The following MEGF6 variants were observed in gnomAD, a reference collection of about 807,000 sequenced individuals.
MEGF6 encodes multiple epidermal growth factor-like domains protein 6.
MEGF6 carries 184 observed loss-of-function variants against 207.1 expected under a neutral mutation model. The observed-to-expected ratio is 0.89, with a 90% confidence interval of 0.79 to 1.00. The LOEUF is 1.00. MEGF6 is among the 50% of genes least tolerant of loss of function. The probability of loss-of-function intolerance (pLI) is 0.00; values close to 1 mark genes in which losing one functional copy is unlikely to be tolerated. For missense variants in MEGF6, 2,282 were observed against 2,202.9 expected (o/e 1.04, Z -0.72); for synonymous variants, 1,038 against 910.0 (o/e 1.14, Z -2.53).
In MEGF6 at chr1:3,491,627, A is replaced by G. The variant is rs537543777; in HGVS notation, c.4517-668T>C. Among the ~76,000 whole-genome samples, 3 of 152,154 alleles carry G rather than the reference A, an allele frequency of 2.0e-5. No individual in the cohort carries two copies. In the East Asian group the frequency reaches 5.8e-4, roughly 30 times the overall value. On this transcript the variant is annotated intron_variant, in intron 35 of 36. Coordinates refer to ENST00000356575, the MANE Select transcript of MEGF6 (RefSeq NM_001409.4). Reference sequence around the variant, plus strand: ...GGAGGACCCCAAGTGTGAAATCCCCAGTTAGCCAAAAAGCAGAGCCTGCAG... The same window carrying G: ...GGAGGACCCCAAGTGTGAAATCCCCGGTTAGCCAAAAAGCAGAGCCTGCAG...
At chr1:3,549,788 C>A (rs1642827156) in intron 4 of MEGF6, among the ~76,000 whole-genome samples, 1 of 152,244 alleles carries the variant, frequency 6.6e-6, no homozygotes, top group African/African-American at 2.4e-5. Flanking sequence ...CCTTCCCGTA[C>A]AAGGTGAGTC....
At chr1:3,555,317 TGCCCAAAGGCAGGGCAGAG>T (rs1263048163) in intron 4 of MEGF6, among the ~76,000 whole-genome samples, 1 of 152,142 alleles carries the variant, frequency 6.6e-6, no homozygotes, top group Non-Finnish European at 1.5e-5. Flanking sequence ...GGAAGCCAGG[TGCCCAAAGGCAGGGCAGAG>T]GCCCTGAGGG....
In MEGF6 at chr1:3,505,513, G is replaced by A; in HGVS notation, c.1962C>T (p.Cys654=). Residue 654 remains cysteine, a synonymous_variant, in exon 16 of 37, where the codon TGC becomes TGT. Transcript: ENST00000356575. ...WAFGPGCSEE[C]QCVQPHTQSC... ...ACTGCGTGTGGGGCTGCACACACTG[G>A]CACTCCTCCGAGCAGCCCGGCCCAA... The A allele has an allele frequency of 6.2e-7, 1 of 1,601,886 alleles. No individual in the cohort carries two copies. Among genetic ancestry groups the A allele is most frequent in the Non-Finnish European group, 8.5e-7 (1 of 1,175,892 alleles).
intron 4 of MEGF6, among the ~76,000 whole-genome samples, chr1:3,541,463 A>G (rs1290326624): frequency 6.6e-6 from 1 of 152,216 alleles, no homozygotes; most frequent in Admixed American, 6.5e-5. Flanking sequence ...AAGGTCAGAG[A>G]AAAAGCTCCA....
At chr1:3,564,888 T>C (rs1035239384) in intron 4 of MEGF6, among the ~76,000 whole-genome samples, 2 of 152,016 alleles carry the variant, frequency 1.3e-5, no homozygotes, top group African/African-American at 4.8e-5. Context: ...ACGGTCCCGC[T>C]CTGGCCGAGG....
intron 1 of MEGF6, 44 bp downstream of exon 1, chr1:3,611,094 G>T: frequency 7.0e-7 from 1 of 1,438,064 alleles, no homozygotes; most frequent in Non-Finnish European, 9.1e-7. Flanking sequence ...AGGCCCCGGG[G>T]TCCCTGGACG....
intron 4 of MEGF6, among the ~76,000 whole-genome samples, chr1:3,553,903 G>A (rs1431627435): frequency 6.6e-6 from 1 of 152,222 alleles, no homozygotes; most frequent in Non-Finnish European, 1.5e-5. Context: ...CAGCACACCA[G>A]AAAGTGCCGA....
chr1:3,508,761 G>T, intron 12 of MEGF6, 72 bp from the exon 13 acceptor site: 1 of 1,569,326 alleles, frequency 6.4e-7, no homozygotes, highest in Non-Finnish European at 8.7e-7. Flanking sequence ...GCCCGGCTCA[G>T]ACCCTCAGGC....
At chr1:3,503,381 T>G (rs1456764380) in intron 17 of MEGF6, among the ~76,000 whole-genome samples, 2 of 151,944 alleles carry the variant, frequency 1.3e-5, no homozygotes, top group Non-Finnish European at 2.9e-5. Flanking sequence ...TTATAAAGAG[T>G]GTTGATCTTT....
Position 3,498,703 on chromosome 1 carries a change from T to C in MEGF6, c.3218A>G (p.Glu1073Gly). The change falls in exon 25 of 37, where the codon GAG becomes GGG. Residue 1073 changes from glutamate (E) to glycine (G), a missense_variant. Coordinates refer to ENST00000356575, the MANE Select transcript of MEGF6 (RefSeq NM_001409.4). ...CTCTGCCGCCCAGCGCTCACCCTTC[T>C]CACAGGCCAGGCCGGCCCAGCCCTC... ...CPEGWAGLAC[E>G]KECLPRDVRA... The C allele has an allele frequency of 6.4e-7, 1 of 1,567,202 alleles. No individual in the cohort carries two copies. The highest frequency in any genetic ancestry group is 1.2e-5 in the South Asian group (1 of 86,264).
chr1:3,505,181 C>T lies in MEGF6; in HGVS notation c.2188+27G>A, dbSNP rs375982711. The T allele has an allele frequency of 3.3e-5, 53 of 1,607,224 alleles. No homozygotes were observed. In the South Asian group the frequency reaches 4.5e-4, roughly 14 times the overall value. On this transcript the variant is annotated intron_variant, in intron 17 of 36. Transcript: ENST00000356575. ...AGCCTACACCCCACAATGAGACTGC[C>T]GGGAGCCCCAGGGGCCGGCCACTCA...
chr1:3,528,332 GGCAGGGCTGA>G (rs1642035019), intron 4 of MEGF6, among the ~76,000 whole-genome samples: 1 of 152,224 alleles, frequency 6.6e-6, no homozygotes. Flanking sequence ...CCCACGTGAT[GGCAGGGCTGA>G]GCTATTCCCA....
chr1:3,526,053 G>A (rs1641949917), intron 4 of MEGF6, among the ~76,000 whole-genome samples: 1 of 152,228 alleles, frequency 6.6e-6, no homozygotes, highest in South Asian at 2.1e-4. Context: ...GGCTCTCAGA[G>A]GAGAAGCCAG....
At chr1:3,575,134 C>T (rs896803857) in intron 4 of MEGF6, among the ~76,000 whole-genome samples, 6 of 152,216 alleles carry the variant, frequency 3.9e-5, no homozygotes, top group African/African-American at 1.2e-4. Flanking sequence ...TCTTGCTGGT[C>T]TTTTCATTAC....
chr1:3,615,341 G>A (rs1299799273), upstream of MEGF6, among the ~76,000 whole-genome samples: 1 of 152,212 alleles, frequency 6.6e-6, no homozygotes, highest in South Asian at 2.1e-4. Context: ...GGTGCAGAGC[G>A]CAGGTATTAG....
chr1:3,527,437 C>A (rs1642004421), intron 4 of MEGF6, among the ~76,000 whole-genome samples: 1 of 152,230 alleles, frequency 6.6e-6, no homozygotes, highest in South Asian at 2.1e-4. Flanking sequence ...ACTGGAGGCA[C>A]AAGACACACC....
intron 34 of MEGF6, 49 bp from the exon 35 acceptor site, chr1:3,492,816 TC>T: frequency 1.3e-6 from 2 of 1,583,832 alleles, no homozygotes; most frequent in Non-Finnish European, 1.7e-6. Flanking sequence ...ATCCTTGCCT[TC>T]CCCGCGCCAA....
At position 3,531,159 on chromosome 1, in the gene MEGF6, G is replaced by A. The variant is rs868457513; in HGVS notation, c.482-6913C>T. 4 of 1,525,890 alleles carry A rather than the reference G, an allele frequency of 2.6e-6. No homozygotes were observed. In the African/African-American group the frequency reaches 5.7e-5, roughly 22 times the overall value. The allele number at this position is 1,525,890 out of a possible 1,614,324, so 94.5% of individuals were successfully genotyped here. ...GGTAGCAGCCCCTCCAGAGGTAGCG[G>A]TAGTGCGTGCCCGCGACGCGCGCCA... is the stretch of plus-strand genomic sequence containing the variant. On this transcript the variant is annotated intron_variant, in intron 4 of 36. Transcript: ENST00000356575.
intron 8 of MEGF6, among the ~76,000 whole-genome samples, 159 bp downstream of exon 8, chr1:3,511,847 C>G (rs925209791): frequency 6.6e-6 from 1 of 152,166 alleles, no homozygotes; most frequent in Admixed American, 6.5e-5. Flanking sequence ...TCTGGGACCC[C>G]CTGCTCTCCC....
Sources: allele counts gnomAD v4.1 joint callset (sites outside exome capture counted in the v4.1 genomes callset), GRCh38; gene constraint gnomAD v4.1.1; transcripts MANE v1.5; gene names NCBI Gene and HGNC (gene_info 2026-07-23, HGNC 2026-07-21).